The following RAB11FIP3 variants were observed in gnomAD, a reference collection of about 807,000 sequenced individuals.
RAB11FIP3 encodes RAB11 family interacting protein 3.
In RAB11FIP3, 17 loss-of-function variants were observed where a neutral mutation model predicts 77.8. The ratio of observed to expected loss-of-function variants is 0.22; its 90% confidence interval spans 0.15 to 0.33. The LOEUF is 0.33. RAB11FIP3 is among the 10% of genes least tolerant of loss of function. The pLI, the probability that RAB11FIP3 is intolerant of heterozygous loss-of-function variation, is 1.00. For missense variants in RAB11FIP3, 1,005 were observed against 1,011.2 expected (o/e 0.99, Z 0.08); for synonymous variants, 437 against 448.2 (o/e 0.98, Z 0.31).
At chr16:485,702 C>A (rs978912068) in intron 4 of RAB11FIP3, among the ~76,000 whole-genome samples, 5 of 152,216 alleles carry the variant, frequency 3.3e-5, no homozygotes, top group Non-Finnish European at 7.3e-5. Flanking sequence ...TGAGCCACAG[C>A]CCCTGGCCAG....
rs931006411 is a variant in RAB11FIP3, at chr16:426,652, G to C, written c.646G>C (p.Gly216Arg). 1.9e-6 allele frequency: 3 copies of C among 1,577,018 alleles called. No individual in the cohort carries two copies. The highest frequency in any genetic ancestry group is 1.7e-6 in the Non-Finnish European group (2 of 1,162,930). ...RLRAVFDALD[G>R]DGDGFVRIED... is the part of the protein sequence containing the mutation. The stretch of plus-strand genomic sequence containing the variant: ...CCGAGCCGTGTTCGATGCCCTGGAC[G>C]GGGATGGGGACGGTTTCGTCCGCAT... Residue 216 changes from glycine (G) to arginine (R), a missense_variant, in exon 1 of 14, where the codon GGG (glycine) becomes CGG (arginine). By Grantham distance (125) the Gly-to-Arg change is moderately radical. Transcript: ENST00000262305. This position sits in a 1 kb window ranked among gnomAD's most constrained non-coding sequence, Gnocchi z 5.0.
At chr16:500,783 C>T (rs2031466234) in intron 6 of RAB11FIP3, among the ~76,000 whole-genome samples, 1 of 151,068 alleles carries the variant, frequency 6.6e-6, no homozygotes, top group African/African-American at 2.4e-5. Context: ...ACGTTGGTGG[C>T]CACGTGTGGT....
intron 9 of RAB11FIP3, 87 bp from the exon 10 acceptor site, chr16:518,856 A>C (rs1356330401): frequency 7.0e-7 from 1 of 1,421,984 alleles, no homozygotes; most frequent in Non-Finnish European, 9.9e-7. Context: ...GGGCGGCCCC[A>C]GCAGGGTTTC....
At chr16:497,458 T>C (rs8052313) in intron 6 of RAB11FIP3, 43,719 of 1,216,386 alleles carry the variant, frequency 0.036, 1,219 homozygotes, top group African/African-American at 0.15. Flanking sequence ...AGTCTGCCTT[T>C]GTGTCTTTAT....
intron 9 of RAB11FIP3, among the ~76,000 whole-genome samples, chr16:513,928 C>T (rs1404185838): frequency 5.9e-5 from 9 of 152,190 alleles, no homozygotes; most frequent in African/African-American, 2.2e-4. Flanking sequence ...AATTAAAGTA[C>T]GTTTCTCGTC....
chr16:500,265 C>T (rs761757301), intron 6 of RAB11FIP3, among the ~76,000 whole-genome samples: 5 of 152,250 alleles, frequency 3.3e-5, no homozygotes, highest in African/African-American at 4.8e-5. Context: ...TGCTCACCAG[C>T]CAGGCTCGAC....
intron 3 of RAB11FIP3, among the ~76,000 whole-genome samples, chr16:480,648 C>T (rs1053813151): frequency 1.3e-5 from 2 of 151,838 alleles, no homozygotes; most frequent in African/African-American, 2.4e-5. Flanking sequence ...TACAGGTGCC[C>T]GCCACCACAC....
Position 426,317 on chromosome 16 carries a change from A to T in RAB11FIP3, c.311A>T (p.Asp104Val). The T allele has an allele frequency of 7.4e-7, 1 of 1,351,326 alleles. No individual in the cohort carries two copies. The highest frequency in any genetic ancestry group is 9.5e-7 in the Non-Finnish European group (1 of 1,048,438). The allele number at this position is 1,351,326 out of a possible 1,614,324, so 83.7% of individuals were successfully genotyped here. The change falls in exon 1 of 14, where the codon GAC (aspartate) becomes GTC (valine). Residue 104 changes from aspartate (D) to valine (V), a missense_variant. Physicochemically the swap from Asp to Val is radical, Grantham distance 152. Transcript: ENST00000262305. The surrounding 1 kb of genome is among the most constrained non-coding windows in gnomAD (Gnocchi z 5.0). The stretch of plus-strand genomic sequence containing the variant: ...CCGCGGGGGCAGCTTGCGAGCCCCG[A>T]CGCCCCGGGCCCAGGGCCGCGCTCC... ...SGPRGQLASP[D>V]APGPGPRSEA...
chr16:465,154 G>A lies in RAB11FIP3; in HGVS notation c.808+3657G>A, dbSNP rs550010945. On this transcript the variant is annotated intron_variant, in intron 2 of 13. Transcript: ENST00000262305. ...CGCTCATGAAGCTGGTAGCTGTGTC[G>A]TTTTTGTTTTGTATAGCTGTGTTTC... 2.6e-5 allele frequency among the ~76,000 whole-genome samples: 4 copies of A among 152,170 alleles called. No individual in the cohort carries two copies. In the East Asian group the frequency reaches 5.8e-4, roughly 22 times the overall value.
rs1945518436 is a variant in RAB11FIP3, at chr16:520,605, A to C, written c.2157+6A>C. ...GCTCCGTCTCCCGAGATGAGGTAAC[A>C]CATCCCGTGTCTGCACGGTGTGGCC... On this transcript the variant is annotated splice_donor_region_variant and intron_variant, in intron 13 of 13. Coordinates refer to ENST00000262305, the MANE Select transcript of RAB11FIP3 (RefSeq NM_014700.4). 1 of 1,613,004 alleles carries C rather than the reference A, an allele frequency of 6.2e-7. No homozygotes were observed. Among genetic ancestry groups the C allele is most frequent in the Non-Finnish European group, 8.5e-7 (1 of 1,179,670 alleles).
intron 6 of RAB11FIP3, 57 bp downstream of exon 6, chr16:496,916 G>GT (rs993801644): frequency 7.5e-6 from 11 of 1,459,252 alleles, no homozygotes; most frequent in Non-Finnish European, 9.4e-6. Flanking sequence ...ATTAATCATA[G>GT]TTTTTTAAAA....
intron 3 of RAB11FIP3, chr16:475,228 C>A: frequency 9.1e-7 from 1 of 1,093,296 alleles, no homozygotes; most frequent in Non-Finnish European, 1.2e-6. Flanking sequence ...CCTGAACGGG[C>A]TTTTTCTCTG....
At chr16:482,835 G>C in intron 4 of RAB11FIP3, 99 bp downstream of exon 4, 1 of 1,281,026 alleles carries the variant, frequency 7.8e-7, no homozygotes, top group African/African-American at 1.5e-5. Flanking sequence ...AGTGCGTGCT[G>C]GTTAGCATCC....
In RAB11FIP3 at chr16:426,774, G is replaced by A; in HGVS notation, c.714+54G>A. 1 of 1,415,184 alleles carries A rather than the reference G, an allele frequency of 7.1e-7. No individual in the cohort carries two copies. The highest frequency in any genetic ancestry group is 9.4e-7 in the Non-Finnish European group (1 of 1,068,894). 87.7% of individuals were successfully genotyped at this position (1,415,184 alleles called of 1,614,324 possible). Reference sequence around the variant, plus strand: ...GAACTGGGCAGGTGCGCGCTGGCCGGCGGGGTTGATGTGGGACCGGTCGAC... The same window carrying A: ...GAACTGGGCAGGTGCGCGCTGGCCGACGGGGTTGATGTGGGACCGGTCGAC... On this transcript the variant is annotated intron_variant, in intron 1 of 13. Coordinates refer to ENST00000262305, the MANE Select transcript of RAB11FIP3 (RefSeq NM_014700.4). This position sits in a 1 kb window ranked among gnomAD's most constrained non-coding sequence, Gnocchi z 5.0.
At chr16:443,575 GTT>G (rs2055260856) in intron 1 of RAB11FIP3, among the ~76,000 whole-genome samples, 1 of 150,308 alleles carries the variant, frequency 6.7e-6, no homozygotes, top group African/African-American at 2.5e-5. Context: ...GGTGGTGGTT[GTT>G]GTTGTTGAGA....
At position 426,650 on chromosome 16, in the gene RAB11FIP3, A is replaced by G; in HGVS notation, c.644A>G (p.Asp215Gly). 1 of 1,579,766 alleles carries G rather than the reference A, an allele frequency of 6.3e-7. No individual in the cohort carries two copies. Among genetic ancestry groups the G allele is most frequent in the Non-Finnish European group, 8.6e-7 (1 of 1,164,224 alleles). ...CTCCGAGCCGTGTTCGATGCCCTGG[A>G]CGGGGATGGGGACGGTTTCGTCCGC... ...PRLRAVFDAL[D>G]GDGDGFVRIE... The change falls in exon 1 of 14, where the codon GAC becomes GGC. Residue 215 changes from aspartate (D) to glycine (G), a missense_variant. Physicochemically the swap from Asp to Gly is moderately conservative, Grantham distance 94. Coordinates refer to ENST00000262305, the MANE Select transcript of RAB11FIP3 (RefSeq NM_014700.4). This position sits in a 1 kb window ranked among gnomAD's most constrained non-coding sequence, Gnocchi z 5.0.
intron 3 of RAB11FIP3, among the ~76,000 whole-genome samples, chr16:480,717 C>T (rs901344181): frequency 6.6e-6 from 1 of 152,048 alleles, no homozygotes; most frequent in Non-Finnish European, 1.5e-5. Flanking sequence ...CCAGACTGGT[C>T]TCGAACTCCT....
chr16:432,566 T>C (rs1358159578), intron 1 of RAB11FIP3, among the ~76,000 whole-genome samples: 2 of 151,772 alleles, frequency 1.3e-5, no homozygotes, highest in African/African-American at 4.8e-5. Context: ...GCATGTTGCT[T>C]TGAATCTGCT....
rs1311649057 is a variant in RAB11FIP3, at chr16:440,876, C to T, written c.714+14156C>T. 3.3e-5 allele frequency among the ~76,000 whole-genome samples: 5 copies of T among 152,142 alleles called. No individual in the cohort carries two copies. The South Asian group carries it at 1.0e-3, about 32-fold the overall frequency. The stretch of plus-strand genomic sequence containing the variant: ...TGGCACAGGCCCGCCTGGCTGCCCT[C>T]TTCCCACCCTCTTGCTCCTTCAGCC... On this transcript the variant is annotated intron_variant, in intron 1 of 13. Coordinates refer to ENST00000262305, the MANE Select transcript of RAB11FIP3 (RefSeq NM_014700.4).
Sources: allele counts gnomAD v4.1 joint callset (sites outside exome capture counted in the v4.1 genomes callset), GRCh38; gene constraint gnomAD v4.1.1; non-coding constraint Gnocchi (gnomAD v3.1); transcripts MANE v1.5; gene names NCBI Gene and HGNC (gene_info 2026-07-23, HGNC 2026-07-21).